SYT16: variants seen among roughly 807,000 people sequenced by gnomAD.
SYT16 encodes the protein synaptotagmin 16, also known as synaptotagmin-16.
SYT16 carries 42 observed loss-of-function variants against 61.4 expected under a neutral mutation model. That is an observed-to-expected ratio of 0.68 (90% CI 0.53 to 0.89). The LOEUF (loss-of-function observed/expected upper bound fraction) is 0.89, where lower values mean the gene tolerates loss of function less well. SYT16 is among the 40% of genes least tolerant of loss of function. The probability of loss-of-function intolerance (pLI) is 0.00; values close to 1 mark genes in which losing one functional copy is unlikely to be tolerated. For missense variants in SYT16, 804 were observed against 807.3 expected, an observed-to-expected ratio of 1.00 and a Z score of 0.05; for synonymous variants, 314 against 302.3, an observed-to-expected ratio of 1.04 and a Z score of -0.40.
At chr14:62,014,799 A>C (rs2053603190) in intron 3 of SYT16, among the ~76,000 whole-genome samples, 2 of 152,030 alleles carry the variant, frequency 1.3e-5, no homozygotes, top group Non-Finnish European at 2.9e-5. Flanking sequence ...CCGAATGTTC[A>C]TTTTAAAGTC....
chr14:62,099,462 G>A (rs2057360886), intron 7 of SYT16, among the ~76,000 whole-genome samples: 1 of 152,144 alleles, frequency 6.6e-6, no homozygotes, highest in Non-Finnish European at 1.5e-5. Flanking sequence ...GGATAATTTG[G>A]TGAATGATGC....
chr14:62,098,308 A>G (rs959232146), intron 7 of SYT16, among the ~76,000 whole-genome samples: 1 of 152,244 alleles, frequency 6.6e-6, no homozygotes, highest in African/African-American at 2.4e-5. Flanking sequence ...TGAATTTGGG[A>G]AACACCCTAA....
intron 1 of SYT16, among the ~76,000 whole-genome samples, chr14:61,888,243 G>T (rs907715891): frequency 6.6e-6 from 1 of 150,694 alleles, no homozygotes; most frequent in Non-Finnish European, 1.5e-5. Context: ...TCAGCCTCCC[G>T]AGTAGCTGGG....
chr14:61,926,330 A>T (rs2140416059), intron 1 of SYT16, among the ~76,000 whole-genome samples: 1 of 152,330 alleles, frequency 6.6e-6, no homozygotes, highest in African/African-American at 2.4e-5. Flanking sequence ...CCTATGAAGG[A>T]CATAGACAGA....
chr14:61,859,977 A>G (rs1177258286), intron 1 of SYT16, among the ~76,000 whole-genome samples: 2 of 152,260 alleles, frequency 1.3e-5, no homozygotes, highest in Non-Finnish European at 2.9e-5. Context: ...ACAAGTCCCT[A>G]AATAGATGAC....
chr14:62,059,174 C>G (rs67899258), intron 3 of SYT16, among the ~76,000 whole-genome samples: 1 of 152,000 alleles, frequency 6.6e-6, no homozygotes. Flanking sequence ...ACCCCCATGA[C>G]GCAAGTTTAC....
At chr14:61,913,508 A>T (rs1029464155) in intron 1 of SYT16, among the ~76,000 whole-genome samples, 6 of 152,198 alleles carry the variant, frequency 3.9e-5, no homozygotes, top group Admixed American at 3.9e-4. Context: ...AAGGCAGCAT[A>T]GAATGCTAAT....
intron 2 of SYT16, among the ~76,000 whole-genome samples, chr14:61,973,283 G>A (rs2051640645): frequency 6.6e-6 from 1 of 152,046 alleles, no homozygotes. Flanking sequence ...TTTAGGCAAG[G>A]GGACAAAGAA....
At chr14:61,837,300 G>A (rs2046161707) in intron 1 of SYT16, among the ~76,000 whole-genome samples, 2 of 149,964 alleles carry the variant, frequency 1.3e-5, no homozygotes, top group Admixed American at 6.7e-5. Flanking sequence ...GCAGTGGTGC[G>A]ATCTTGGTTC....
chr14:62,081,140 C>G lies in SYT16; in HGVS notation c.1300C>G (p.Arg434Gly). Residue 434 changes from arginine to glycine, a missense_variant, in exon 6 of 8, where the codon CGC becomes GGC. Physicochemically the swap from Arg to Gly is moderately radical, Grantham distance 125. Coordinates refer to ENST00000683842, the MANE Select transcript of SYT16 (RefSeq NM_001367656.1). The part of the protein sequence containing the change: ...EPRDVAACAV[R>G]FRLYAARKMT... ...CAGAGATGTGGCTGCCTGTGCTGTC[C>G]GCTTCCGCCTGTACGCTGCCCGGAA... 6.2e-7 allele frequency: 1 copy of G among 1,613,878 alleles called. No individual in the cohort carries two copies. The highest frequency in any genetic ancestry group is 8.5e-7 in the Non-Finnish European group (1 of 1,179,854).
intron 1 of SYT16, among the ~76,000 whole-genome samples, chr14:61,838,075 G>A (rs900042918): frequency 6.6e-6 from 1 of 152,192 alleles, no homozygotes; most frequent in African/African-American, 2.4e-5. Flanking sequence ...ATGTCTCAAA[G>A]CTGTTTCAGG....
chr14:61,893,061 T>C (rs1361220658), intron 1 of SYT16, among the ~76,000 whole-genome samples: 1 of 152,182 alleles, frequency 6.6e-6, no homozygotes, highest in Admixed American at 6.5e-5. Flanking sequence ...CAGGCCGTTA[T>C]AGCGACACTC....
intron 3 of SYT16, among the ~76,000 whole-genome samples, chr14:62,055,492 A>G (rs890057704): frequency 6.6e-6 from 1 of 152,198 alleles, no homozygotes; most frequent in Non-Finnish European, 1.5e-5. Flanking sequence ...TGTTTAGAAT[A>G]CTACCTGTGG....
intron 1 of SYT16, among the ~76,000 whole-genome samples, chr14:61,930,434 C>T (rs1018796374): frequency 6.6e-6 from 1 of 152,018 alleles, no homozygotes; most frequent in Non-Finnish European, 1.5e-5. Flanking sequence ...AGTCACTTTC[C>T]ATATCTGACC....
intron 1 of SYT16, among the ~76,000 whole-genome samples, chr14:61,845,421 T>G (rs1460789506): frequency 2.6e-5 from 4 of 152,332 alleles, no homozygotes; most frequent in Middle Eastern, 3.4e-3. Context: ...GGTTCAATCT[T>G]GGTAGGTTGT....
chr14:61,936,715 C>G (rs1022079075), intron 1 of SYT16, among the ~76,000 whole-genome samples: 2 of 152,126 alleles, frequency 1.3e-5, no homozygotes, highest in African/African-American at 2.4e-5. Context: ...CTATGTCTGC[C>G]TCTATAGCCA....
chr14:62,010,283 G>C (rs1189142104), intron 3 of SYT16, among the ~76,000 whole-genome samples: 2 of 152,140 alleles, frequency 1.3e-5, no homozygotes, highest in Non-Finnish European at 2.9e-5. Flanking sequence ...GATGAAAAGT[G>C]CCATGTAGAA....
intron 3 of SYT16, among the ~76,000 whole-genome samples, chr14:62,008,856 C>T (rs923300165): frequency 1.3e-5 from 2 of 152,018 alleles, no homozygotes; most frequent in Non-Finnish European, 2.9e-5. Flanking sequence ...ATACCATTTT[C>T]CATCCTTCAA....
At chr14:62,068,779 CA>C (rs1322081713) in intron 3 of SYT16, among the ~76,000 whole-genome samples, 1 of 151,966 alleles carries the variant, frequency 6.6e-6, no homozygotes, top group Non-Finnish European at 1.5e-5. Flanking sequence ...CACACACACA[CA>C]ATGAGTCTCT....
Sources: allele counts gnomAD v4.1 joint callset (sites outside exome capture counted in the v4.1 genomes callset), GRCh38; gene constraint gnomAD v4.1.1; transcripts MANE v1.5; gene names NCBI Gene and HGNC (gene_info 2026-07-23, HGNC 2026-07-21).